The following GSN variants were observed in gnomAD, a reference collection of about 807,000 sequenced individuals.
The protein encoded by GSN is actin-depolymerizing factor.
In GSN, 56 loss-of-function variants were observed where a neutral mutation model predicts 85.7. That is an observed-to-expected ratio of 0.65 (90% confidence interval 0.53 to 0.82). GSN has a LOEUF of 0.82. GSN is among the 40% of genes least tolerant of loss of function. The probability of loss-of-function intolerance (pLI) is 0.00; values close to 1 mark genes in which losing one functional copy is unlikely to be tolerated. For missense variants in GSN, 857 were observed against 979.8 expected (o/e 0.87, Z 1.67); for synonymous variants, 373 against 399.1 (o/e 0.93, Z 0.78).
At chr9:121,257,926 T>C (rs1045114545) in intron 6 of GSN, among the ~76,000 whole-genome samples, 3 of 152,148 alleles carry the variant, frequency 2.0e-5, no homozygotes, top group African/African-American at 7.2e-5. Flanking sequence ...GGAGGTTAAA[T>C]GACTTGTTCA....
intron 2 of GSN, among the ~76,000 whole-genome samples, chr9:121,296,217 C>T (rs1318111892): frequency 6.6e-6 from 1 of 152,252 alleles, no homozygotes; most frequent in African/African-American, 2.4e-5. Flanking sequence ...TTGGTCTCCG[C>T]AGACAGAGCC....
chr9:121,202,011 C>T, the GSN span: 2,177 of 152,592 alleles, frequency 0.014, 28 homozygotes, highest in Non-Finnish European at 0.024. Context: ...CCTTCCTCAG[C>T]CCTCACCTCT....
At chr9:121,297,667 G>C (rs1488892859) in intron 2 of GSN, 2 of 152,146 alleles carry the variant, frequency 1.3e-5, no homozygotes, top group Non-Finnish European at 2.9e-5. Context: ...TGTTTATTGA[G>C]TGCCTACTAT....
At chr9:121,259,021 T>C (rs2055026292) in intron 6 of GSN, among the ~76,000 whole-genome samples, 1 of 152,222 alleles carries the variant, frequency 6.6e-6, no homozygotes, top group African/African-American at 2.4e-5. Context: ...GATTCACTGA[T>C]AGAGCTAGAA....
intron 14 of GSN, 129 bp from the exon 15 acceptor site, chr9:121,328,762 A>G (rs75881286): frequency 2.6e-5 from 26 of 1,005,650 alleles, no homozygotes; most frequent in Non-Finnish European, 4.0e-5. Flanking sequence ...ATCTCCTGGG[A>G]TTTTTAGGAT....
chr9:121,250,872 GGTGTGTGT>G (rs34623899), intron 6 of GSN, among the ~76,000 whole-genome samples: 1,784 of 135,074 alleles, frequency 0.013, 39 homozygotes, highest in African/African-American at 0.044. Flanking sequence ...GCCTGCTTGG[GGTGTGTGT>G]GTGTGTGTGT....
At chr9:121,219,172 T>C (rs2054121909) in intron 4 of GSN, among the ~76,000 whole-genome samples, 1 of 152,184 alleles carries the variant, frequency 6.6e-6, no homozygotes, top group South Asian at 2.1e-4. Context: ...CTGTGTCTGC[T>C]GCTGCTGCGC....
chr9:121,323,754 C>T (rs2062798824), intron 11 of GSN, among the ~76,000 whole-genome samples: 1 of 152,180 alleles, frequency 6.6e-6, no homozygotes, highest in African/African-American at 2.4e-5. Context: ...GTCTCTGAAT[C>T]TATGGCAGTT....
intron 11 of GSN, among the ~76,000 whole-genome samples, chr9:121,322,261 C>T (rs1589165551): frequency 6.6e-6 from 1 of 152,164 alleles, no homozygotes; most frequent in Non-Finnish European, 1.5e-5. Context: ...AGCCTGGTCC[C>T]TCCCTTCCTT....
chr9:121,307,799 C>T (rs1351330651), intron 4 of GSN, among the ~76,000 whole-genome samples: 2 of 152,232 alleles, frequency 1.3e-5, no homozygotes, highest in African/African-American at 4.8e-5. Flanking sequence ...TTCTTCCTCA[C>T]TTGCTCTGGG....
In GSN at chr9:121,331,178, A is replaced by C. The variant is rs553102389; in HGVS notation, c.1966-210A>C. Among the ~76,000 whole-genome samples, 53 of 152,244 alleles carry C rather than the reference A, an allele frequency of 3.5e-4. 1 individual carries two copies. In the South Asian group the frequency reaches 0.011, roughly 31 times the overall value. The stretch of plus-strand genomic sequence containing the variant: ...ACGGTTTAAAAAGACATTGTTGGCT[A>C]ACACAAGGTGGTGGGTGAGCAAACA... On this transcript the variant is annotated intron_variant, in intron 16 of 17. Coordinates refer to ENST00000432226, the MANE Select transcript of GSN (RefSeq NM_198252.3).
At chr9:121,300,650 C>T (rs1245324037) in intron 2 of GSN, among the ~76,000 whole-genome samples, 1 of 152,176 alleles carries the variant, frequency 6.6e-6, no homozygotes, top group African/African-American at 2.4e-5. Flanking sequence ...GCACCCTCCC[C>T]GGCCCCAGCC....
At chr9:121,206,561 G>A (rs1055354643), upstream of GSN, among the ~76,000 whole-genome samples, 3 of 151,768 alleles carry the variant, frequency 2.0e-5, no homozygotes, top group Admixed American at 6.6e-5. Flanking sequence ...ATATCCTCTC[G>A]TGTCACAGCT....
At chr9:121,280,862 C>G (rs2057280785) in intron 1 of GSN, 1 of 152,136 alleles carries the variant, frequency 6.6e-6, no homozygotes, top group African/African-American at 2.4e-5. Context: ...CTGAATTCAG[C>G]CATGCAATAG....
chr9:121,285,200 G>C (rs2057923069), intron 2 of GSN: 1 of 167,202 alleles, frequency 6.0e-6, no homozygotes, highest in African/African-American at 2.4e-5. Flanking sequence ...CAAGTCCTTA[G>C]CACATGTCTG....
rs567361695 is a variant in GSN at position 121,237,409 on chromosome 9, A to T, written c.-389+6106A>T. On this transcript the variant is annotated intron_variant, in intron 5 of 24. Coordinates refer to the GSN transcript ENST00000373823. ...AGACCCTGTCTCTACAAAAAGAATT[A>T]AAAAATTAACTGCATGTGAGTAGCA... is the stretch of plus-strand genomic sequence containing the variant. Among the ~76,000 whole-genome samples the T allele has an allele frequency of 5.3e-5, 8 of 152,250 alleles. No homozygotes were observed. In the East Asian group the frequency reaches 1.3e-3, roughly 26 times the overall value.
chr9:121,253,526 A>G (rs1232844508), intron 6 of GSN, among the ~76,000 whole-genome samples: 1 of 152,146 alleles, frequency 6.6e-6, no homozygotes. Context: ...AGCATTATGT[A>G]GGTATCAGCA....
At chr9:121,228,565 C>T (rs1389708651) in intron 4 of GSN, among the ~76,000 whole-genome samples, 1 of 150,800 alleles carries the variant, frequency 6.6e-6, no homozygotes, top group Non-Finnish European at 1.5e-5. Context: ...TCCCAGGTAG[C>T]TGGGACTACA....
intron 4 of GSN, among the ~76,000 whole-genome samples, chr9:121,222,733 G>A (rs1189978328): frequency 6.6e-6 from 1 of 152,148 alleles, no homozygotes; most frequent in Non-Finnish European, 1.5e-5. Context: ...ATTTTTCTGA[G>A]GTGTTTAAGG....
Sources: gnomAD v4.1 joint callset for allele counts (sites outside exome capture counted in the v4.1 genomes callset) on GRCh38, gnomAD v4.1.1 for gene constraint, MANE v1.5 for transcripts, NCBI Gene and HGNC (gene_info 2026-07-23, HGNC 2026-07-21) for gene names.